The following LPP variants were observed in gnomAD, a reference collection of about 807,000 sequenced individuals.
LPP encodes the protein LIM domain containing preferred translocation partner in lipoma, also known as lipoma-preferred partner.
In LPP, 38 loss-of-function variants were observed where a neutral mutation model predicts 60.4. That is an observed-to-expected ratio of 0.63 (90% confidence interval 0.49 to 0.83). LPP has a LOEUF of 0.83. Ranked by LOEUF, LPP falls within the 40% of genes least tolerant of loss-of-function variation. The pLI is 0.00. For missense variants in LPP, 902 were observed against 783.6 expected (o/e 1.15, Z -1.80); for synonymous variants, 328 against 290.8 (o/e 1.13, Z -1.30).
At chr3:188,156,266 A>G (rs1465190687) in intron 1 of LPP, among the ~76,000 whole-genome samples, 1 of 152,122 alleles carries the variant, frequency 6.6e-6, no homozygotes, top group Non-Finnish European at 1.5e-5. Context: ...AGGGAGGAGA[A>G]GCTGAGCTGA....
In LPP at chr3:188,610,209, A is replaced by G. The variant is rs1843399675; in HGVS notation, c.1113+365A>G. On this transcript the variant is annotated intron_variant, in intron 7 of 11. Coordinates refer to ENST00000617246, the MANE Select transcript of LPP (RefSeq NM_001375462.1). The surrounding 1 kb of genome is among the most constrained non-coding windows in gnomAD (Gnocchi z 4.4). Reference sequence around the variant, plus strand: ...CCTCTGTTGTGCAGAAACTTCCTCTACACCTTGCATTTGCTTGGACATTAA... The same window carrying G: ...CCTCTGTTGTGCAGAAACTTCCTCTGCACCTTGCATTTGCTTGGACATTAA... Among the ~76,000 whole-genome samples, 1 of 152,200 alleles carries G rather than the reference A, an allele frequency of 6.6e-6. No individual in the cohort carries two copies. The highest frequency in any genetic ancestry group is 2.1e-4 in the South Asian group (1 of 4,834).
intron 8 of LPP, among the ~76,000 whole-genome samples, chr3:188,753,804 GAGGGA>G: frequency 6.6e-6 from 1 of 151,936 alleles, no homozygotes; most frequent in Middle Eastern, 3.4e-3. Flanking sequence ...TGTATTTGTA[GAGGGA>G]AAAACAAGAG....
intron 6 of LPP, among the ~76,000 whole-genome samples, chr3:188,603,519 T>C (rs1277354998): frequency 6.6e-6 from 1 of 152,132 alleles, no homozygotes; most frequent in Non-Finnish European, 1.5e-5. Context: ...CTCTCGTCAA[T>C]ATCTTCTTCT....
intron 9 of LPP, among the ~76,000 whole-genome samples, chr3:188,816,446 C>G (rs1034962485): frequency 1.3e-5 from 2 of 152,016 alleles, no homozygotes; most frequent in African/African-American, 4.8e-5. Flanking sequence ...GGTGATCCAC[C>G]TGCCTTGGCC....
intron 8 of LPP, among the ~76,000 whole-genome samples, chr3:188,741,750 A>G (rs1408863659): frequency 1.3e-5 from 2 of 152,054 alleles, no homozygotes; most frequent in Non-Finnish European, 2.9e-5. Context: ...CTTAAGGAGT[A>G]TACAAAAAAC....
chr3:188,835,186 C>T (rs188406460), intron 9 of LPP, among the ~76,000 whole-genome samples: 56 of 151,780 alleles, frequency 3.7e-4, no homozygotes, highest in African/African-American at 7.5e-4. Context: ...TGGCCAGGCG[C>T]GGTGGCTCAC....
At chr3:188,831,956 T>C (rs1757246093) in intron 9 of LPP, among the ~76,000 whole-genome samples, 1 of 152,152 alleles carries the variant, frequency 6.6e-6, no homozygotes, top group African/African-American at 2.4e-5. Context: ...GAGACTTCAG[T>C]AGGTGGGAAG....
intron 2 of LPP, among the ~76,000 whole-genome samples, chr3:188,302,835 T>G (rs1270722508): frequency 8.5e-5 from 13 of 152,208 alleles, no homozygotes; most frequent in Admixed American, 5.9e-4. Flanking sequence ...ACTTCTTAAC[T>G]TTTCCATAGG....
Position 188,427,509 on chromosome 3 carries a change from C to T in LPP, c.193+21196C>T, listed in dbSNP as rs148936613. ...TTATGTATCTTGGGGTTGCTCTTCTCGAGGAGTATCTTTTTGGTGTTCTCT... is the reference window on the plus strand; with the variant it reads ...TTATGTATCTTGGGGTTGCTCTTCTTGAGGAGTATCTTTTTGGTGTTCTCT... On this transcript the variant is annotated intron_variant, in intron 4 of 11. Coordinates refer to ENST00000617246, the MANE Select transcript of LPP (RefSeq NM_001375462.1). Among the ~76,000 whole-genome samples, 1,125 of 152,228 alleles carry T rather than the reference C, an allele frequency of 7.4e-3. 9 individuals are homozygous for T. Among genetic ancestry groups the T allele is most frequent in the African/African-American group, 0.025 (1,057 of 41,532 alleles).
chr3:188,443,516 G>T (rs771379331), intron 4 of LPP, among the ~76,000 whole-genome samples: 3 of 152,184 alleles, frequency 2.0e-5, no homozygotes, highest in African/African-American at 7.2e-5. Flanking sequence ...GTATAGAAGC[G>T]TATCGTAAGT....
chr3:188,800,470 C>A (rs1219679952), intron 9 of LPP, among the ~76,000 whole-genome samples: 1 of 152,160 alleles, frequency 6.6e-6, no homozygotes, highest in Admixed American at 6.5e-5. Context: ...TGGTCTCCAT[C>A]TCCTGACCTC....
intron 9 of LPP, among the ~76,000 whole-genome samples, chr3:188,796,795 T>C (rs1186397671): frequency 6.6e-6 from 1 of 152,194 alleles, no homozygotes; most frequent in African/African-American, 2.4e-5. Context: ...TGATAATTAT[T>C]TTGAGAAATA....
intron 5 of LPP, among the ~76,000 whole-genome samples, chr3:188,524,213 T>G (rs923103619): frequency 2.6e-5 from 4 of 152,192 alleles, no homozygotes; most frequent in African/African-American, 9.7e-5. Context: ...AGCACTGGCA[T>G]GCTCCAATGT....
At chr3:188,300,190 T>C (rs570847536) in intron 2 of LPP, among the ~76,000 whole-genome samples, 279 of 152,210 alleles carry the variant, frequency 1.8e-3, no homozygotes, top group African/African-American at 6.4e-3. Flanking sequence ...TTAAGAAGGG[T>C]TGTGTGTGTT....
chr3:188,878,909 A>G lies in LPP; in HGVS notation c.*4430A>G, dbSNP rs78086789. On this transcript the variant is annotated 3_prime_UTR_variant, in exon 12 of 12. Coordinates refer to ENST00000617246, the MANE Select transcript of LPP (RefSeq NM_001375462.1). ...AAACATTTTTATGCCAGAAGGTGATATAATGGATGTTAGTGTTTTTTATTT... is the reference window on the plus strand; with the variant it reads ...AAACATTTTTATGCCAGAAGGTGATGTAATGGATGTTAGTGTTTTTTATTT... 5.6e-4 allele frequency: 126 copies of G among 224,340 alleles called. 1 individual carries two copies. The highest frequency in any genetic ancestry group is 1.3e-3 in the Middle Eastern group (1 of 750). The allele number at this position is 224,340 out of a possible 1,614,324, so 13.9% of individuals were successfully genotyped here.
intron 9 of LPP, among the ~76,000 whole-genome samples, chr3:188,856,251 C>T (rs1369604213): frequency 6.6e-6 from 1 of 152,150 alleles, no homozygotes. Flanking sequence ...GATAGGCATT[C>T]CAGGTATGTA....
At chr3:188,387,814 C>T (rs971605150) in intron 3 of LPP, among the ~76,000 whole-genome samples, 7 of 152,094 alleles carry the variant, frequency 4.6e-5, no homozygotes, top group South Asian at 2.1e-4. Context: ...ATTCACCTGC[C>T]TTGGCCTCCC....
intron 2 of LPP, among the ~76,000 whole-genome samples, chr3:188,250,735 T>TTTCC (rs1452654533): frequency 4.8e-4 from 39 of 82,008 alleles, no homozygotes; most frequent in Admixed American, 1.5e-3. Flanking sequence ...TCTTTCTTTC[T>TTTCC]TTCTTTCTTT....
chr3:188,419,514 C>T (rs1442390832), intron 4 of LPP, among the ~76,000 whole-genome samples: 3 of 152,142 alleles, frequency 2.0e-5, no homozygotes, highest in South Asian at 2.1e-4. Context: ...ATCTGGGTTT[C>T]GAGTTTTGAT....
Sources: allele counts gnomAD v4.1 joint callset (sites outside exome capture counted in the v4.1 genomes callset), GRCh38; gene constraint gnomAD v4.1.1; non-coding constraint Gnocchi (gnomAD v3.1); transcripts MANE v1.5; gene names NCBI Gene and HGNC (gene_info 2026-07-23, HGNC 2026-07-21).